The following CDH18 variants were observed in gnomAD, a reference collection of about 807,000 sequenced individuals.
The protein encoded by CDH18 is cadherin 18.
A neutral mutation model predicts 67.9 loss-of-function variants in CDH18; 31 were observed. That is an observed-to-expected ratio of 0.46 (90% CI 0.34 to 0.62). The LOEUF (loss-of-function observed/expected upper bound fraction) is 0.62. Among genes scored for constraint, CDH18 ranks in the 20% least tolerant of loss-of-function variants. CDH18 has a pLI of 0.01. For synonymous variants in CDH18, 362 were observed against 347.2 expected (o/e 1.04, Z -0.48); for missense variants, 890 against 975.5 (o/e 0.91, Z 1.17).
intron 3 of CDH18, among the ~76,000 whole-genome samples, chr5:19,753,848 T>C (rs1771173325): frequency 1.3e-5 from 2 of 152,074 alleles, no homozygotes; most frequent in South Asian, 4.1e-4. Context: ...AAAACAACTA[T>C]CAGCCAAGAA....
At chr5:20,146,924 C>T (rs1351813409) in intron 2 of CDH18, among the ~76,000 whole-genome samples, 1 of 152,006 alleles carries the variant, frequency 6.6e-6, no homozygotes, top group Non-Finnish European at 1.5e-5. Flanking sequence ...TTTACTACTA[C>T]TTTTCTTGAC....
intron 1 of CDH18, among the ~76,000 whole-genome samples, chr5:20,409,726 GA>G (rs1196390257): frequency 1.3e-5 from 2 of 150,232 alleles, no homozygotes; most frequent in Non-Finnish European, 3.0e-5. Flanking sequence ...TTAATATTTT[GA>G]AAAAAAAGTT....
intron 2 of CDH18, among the ~76,000 whole-genome samples, chr5:19,963,970 G>C (rs1026255834): frequency 7.2e-5 from 11 of 151,920 alleles, no homozygotes; most frequent in African/African-American, 2.7e-4. Context: ...CATTAGCATA[G>C]GGGCAAGTGC....
intron 6 of CDH18, among the ~76,000 whole-genome samples, chr5:19,597,893 AT>A (rs1172864287): frequency 9.9e-5 from 15 of 152,114 alleles, no homozygotes; most frequent in African/African-American, 3.6e-4. Flanking sequence ...CTTTTTTTGT[AT>A]TTTTTATTCA....
intron 1 of CDH18, among the ~76,000 whole-genome samples, chr5:20,509,299 A>G (rs1754868249): frequency 6.6e-6 from 1 of 152,114 alleles, no homozygotes; most frequent in African/African-American, 2.4e-5. Flanking sequence ...ACTTTTTTAG[A>G]TACTACATAT....
At chr5:19,725,389 G>T (rs1306060342) in intron 4 of CDH18, among the ~76,000 whole-genome samples, 2 of 152,186 alleles carry the variant, frequency 1.3e-5, no homozygotes, top group Non-Finnish European at 2.9e-5. Context: ...ATAAAACAAA[G>T]TCTGTTGTTA....
At chr5:20,462,992 A>G (rs1751378169) in intron 1 of CDH18, among the ~76,000 whole-genome samples, 1 of 152,212 alleles carries the variant, frequency 6.6e-6, no homozygotes, top group South Asian at 2.1e-4. Context: ...CTGCAAAGAC[A>G]GGTGCAGTTT....
chr5:19,945,185 C>T (rs546157058), intron 2 of CDH18, among the ~76,000 whole-genome samples: 7 of 152,218 alleles, frequency 4.6e-5, no homozygotes, highest in Admixed American at 6.5e-5. Flanking sequence ...AATTAGCAAG[C>T]CCAGCAGCTT....
chr5:19,668,670 T>C lies in CDH18; in HGVS notation c.643+52677A>G, dbSNP rs144963330. Among the ~76,000 whole-genome samples, 1,140 of 152,250 alleles carry C rather than the reference T, an allele frequency of 7.5e-3. 15 individuals carry two copies. The highest frequency in any genetic ancestry group is 0.026 in the African/African-American group (1,079 of 41,580). On this transcript the variant is annotated intron_variant, in intron 5 of 12. Transcript: ENST00000382275. ...TGTGAATGAGTTTTTATTTTAGTAA[T>C]TGAAAATAGTCTTGTAATGAATGAT...
chr5:20,004,498 T>C (rs572795849), intron 2 of CDH18, among the ~76,000 whole-genome samples: 1 of 152,336 alleles, frequency 6.6e-6, no homozygotes, highest in African/African-American at 2.4e-5. Context: ...AGCTATTGTC[T>C]TCACTCATTA....
At chr5:19,961,934 A>AT (rs752040346) in intron 2 of CDH18, among the ~76,000 whole-genome samples, 15 of 151,784 alleles carry the variant, frequency 9.9e-5, no homozygotes, top group Non-Finnish European at 2.2e-4. Context: ...AAACCAAACA[A>AT]TTTTTTCTCT....
chr5:19,477,524 A>G (rs758189129), intron 12 of CDH18, among the ~76,000 whole-genome samples: 2 of 152,138 alleles, frequency 1.3e-5, no homozygotes, highest in Admixed American at 1.3e-4. Context: ...ATGGTTACTA[A>G]TAACATCAAA....
intron 2 of CDH18, among the ~76,000 whole-genome samples, chr5:19,860,049 T>C (rs555998244): frequency 7.3e-5 from 11 of 150,582 alleles, no homozygotes; most frequent in East Asian, 5.9e-4. Flanking sequence ...AGAATAAATG[T>C]ATCCGATTAG....
chr5:19,826,985 C>T (rs886707698), intron 3 of CDH18, among the ~76,000 whole-genome samples: 1 of 151,888 alleles, frequency 6.6e-6, no homozygotes, highest in Admixed American at 6.6e-5. Context: ...AAGAAGTGAC[C>T]CTTCTTACAT....
intron 1 of CDH18, among the ~76,000 whole-genome samples, chr5:20,412,634 TAAAAC>T (rs1490998228): frequency 3.3e-5 from 5 of 152,010 alleles, no homozygotes; most frequent in South Asian, 2.1e-4. Flanking sequence ...TAGAAGGAAC[TAAAAC>T]AAAACAACAA....
chr5:20,232,378 T>C (rs1157673779), intron 2 of CDH18, among the ~76,000 whole-genome samples: 1 of 152,174 alleles, frequency 6.6e-6, no homozygotes, highest in East Asian at 1.9e-4. Flanking sequence ...ATAACTATGA[T>C]ACATAACTGT....
intron 2 of CDH18, among the ~76,000 whole-genome samples, chr5:19,873,067 G>T (rs1412410235): frequency 6.6e-6 from 1 of 152,106 alleles, no homozygotes; most frequent in African/African-American, 2.4e-5. Flanking sequence ...TATGTTGCTA[G>T]AAGGAAGTGT....
intron 3 of CDH18, among the ~76,000 whole-genome samples, chr5:19,825,612 G>T (rs1780328282): frequency 6.6e-6 from 1 of 151,932 alleles, no homozygotes; most frequent in African/African-American, 2.4e-5. Context: ...GACAGTAATT[G>T]AAAGGAGTAC....
chr5:19,679,897 T>C (rs1030839123), intron 5 of CDH18, among the ~76,000 whole-genome samples: 2 of 152,012 alleles, frequency 1.3e-5, no homozygotes, highest in African/African-American at 4.8e-5. Context: ...ATATTATTTC[T>C]ACCAAACTAC....
Sources: allele counts gnomAD v4.1 joint callset (sites outside exome capture counted in the v4.1 genomes callset), GRCh38; gene constraint gnomAD v4.1.1; transcripts MANE v1.5; gene names NCBI Gene and HGNC (gene_info 2026-07-23, HGNC 2026-07-21).